Variants in MALRD1 observed in about 807,000 individuals in gnomAD.
The protein encoded by MALRD1 is MAM and LDL receptor class A domain containing 1, also known as MAM and LDL-receptor class A domain-containing protein 1.
Under a neutral mutation model 242.1 loss-of-function variants are expected in MALRD1, and 247 were observed. The ratio of observed to expected loss-of-function variants is 1.02; its 90% confidence interval spans 0.92 to 1.13. The LOEUF is 1.13. MALRD1 is among the 50% of genes most tolerant of loss of function. The probability of loss-of-function intolerance (pLI) is 0.00; values close to 1 mark genes in which losing one functional copy is unlikely to be tolerated. For synonymous variants in MALRD1, 995 were observed against 866.6 expected, an observed-to-expected ratio of 1.15 and a Z score of -2.60; for missense variants, 2,989 against 2,533.1, an observed-to-expected ratio of 1.18 and a Z score of -3.86.
chr10:19,192,001 A>G (rs2131586730), intron 14 of MALRD1, among the ~76,000 whole-genome samples: 1 of 152,230 alleles, frequency 6.6e-6, no homozygotes, highest in East Asian at 1.9e-4. Flanking sequence ...AACTCTGTCC[A>G]AAGGGATAAG....
rs1476570675 is a variant in MALRD1 at position 19,734,403 on chromosome 10, G to A, written c.*166G>A. 1.6e-5 allele frequency: 8 copies of A among 509,536 alleles called. No homozygotes were observed. The East Asian group carries it at 2.0e-4, about 12-fold the overall frequency. 31.6% of individuals were successfully genotyped at this position (509,536 alleles called of 1,614,324 possible). On this transcript the variant is annotated 3_prime_UTR_variant, in exon 40 of 40. Transcript: ENST00000454679. ...AATTTTCTTGCAGAATATAGAGAAT[G>A]TTTATATGGAATCAGAATCAGTACC... is the stretch of plus-strand genomic sequence containing the variant.
At chr10:19,152,244 G>T (rs1196933804) in intron 11 of MALRD1, among the ~76,000 whole-genome samples, 1 of 152,150 alleles carries the variant, frequency 6.6e-6, no homozygotes. Flanking sequence ...ATTGTTTAGA[G>T]CAGGCTGATA....
intron 19 of MALRD1, among the ~76,000 whole-genome samples, chr10:19,260,029 T>TTG (rs1336102809): frequency 2.0e-5 from 3 of 152,196 alleles, no homozygotes; most frequent in African/African-American, 7.2e-5. Context: ...ACTCAACAAA[T>TTG]AGTTGTTGGA....
intron 28 of MALRD1, among the ~76,000 whole-genome samples, chr10:19,447,388 GTCT>G (rs1835057078): frequency 6.6e-6 from 1 of 152,126 alleles, no homozygotes; most frequent in Non-Finnish European, 1.5e-5. Flanking sequence ...GTAGAATGAT[GTCT>G]TATAGTACAT....
chr10:19,677,087 C>T (rs1842168815), intron 36 of MALRD1, among the ~76,000 whole-genome samples: 1 of 152,038 alleles, frequency 6.6e-6, no homozygotes, highest in African/African-American at 2.4e-5. Flanking sequence ...TGGGTTGACT[C>T]CATATCTTTG....
chr10:19,107,810 C>T (rs1267705782), intron 5 of MALRD1, among the ~76,000 whole-genome samples: 1 of 150,786 alleles, frequency 6.6e-6, no homozygotes, highest in Non-Finnish European at 1.5e-5. Context: ...TAATTTTTTT[C>T]TCTGTGGTTA....
intron 14 of MALRD1, among the ~76,000 whole-genome samples, chr10:19,198,975 C>G (rs1396948028): frequency 1.3e-5 from 2 of 152,074 alleles, no homozygotes; most frequent in Non-Finnish European, 2.9e-5. Flanking sequence ...CATGGAAAAG[C>G]CTGAAACTCA....
In MALRD1 at chr10:19,531,355, C is replaced by G. The variant is rs190177599; in HGVS notation, c.5478+4C>G. ...CAGGAGTATGGGAATATTAAAGGTA[C>G]AAAAGGAAGCCAGAGATTTATGATC... On this transcript the variant is annotated splice_donor_region_variant and intron_variant, in intron 32 of 39. Coordinates refer to ENST00000454679, the MANE Select transcript of MALRD1 (RefSeq NM_001142308.3). The G allele has an allele frequency of 1.6e-5, 25 of 1,520,064 alleles. No individual in the cohort carries two copies. Among genetic ancestry groups the G allele is most frequent in the Admixed American group, 4.1e-5 (2 of 49,326 alleles). The allele number at this position is 1,520,064 out of a possible 1,614,324, so 94.2% of individuals were successfully genotyped here.
intron 29 of MALRD1, among the ~76,000 whole-genome samples, chr10:19,454,405 G>GATATATATATATATATATATATATATAT (rs141643131): frequency 3.6e-4 from 29 of 80,516 alleles, no homozygotes; most frequent in African/African-American, 5.5e-4. Context: ...TTATGCATAT[G>GATATATATATATATATATATATATATAT]ATATATATAT....
At chr10:19,075,137 T>C (rs963025771) in intron 2 of MALRD1, among the ~76,000 whole-genome samples, 1 of 152,050 alleles carries the variant, frequency 6.6e-6, no homozygotes, top group Non-Finnish European at 1.5e-5. Flanking sequence ...CAAACTACTT[T>C]AGGCTTTACA....
At chr10:19,311,214 T>C (rs940252592) in intron 21 of MALRD1, among the ~76,000 whole-genome samples, 5 of 151,466 alleles carry the variant, frequency 3.3e-5, no homozygotes, top group Admixed American at 1.3e-4. Flanking sequence ...TTATGAGTTA[T>C]ATTCTTAACT....
At chr10:19,438,270 C>T (rs1333189716) in intron 28 of MALRD1, among the ~76,000 whole-genome samples, 2 of 151,928 alleles carry the variant, frequency 1.3e-5, no homozygotes, top group Non-Finnish European at 2.9e-5. Flanking sequence ...TAAATATGTC[C>T]TCAAATATAA....
intron 29 of MALRD1, among the ~76,000 whole-genome samples, chr10:19,458,786 A>G (rs1217667577): frequency 6.6e-6 from 1 of 152,106 alleles, no homozygotes; most frequent in Non-Finnish European, 1.5e-5. Flanking sequence ...TTGCATGTTA[A>G]AAGGGGCCTT....
chr10:19,492,561 A>G (rs138546588), intron 30 of MALRD1, among the ~76,000 whole-genome samples: 390 of 152,326 alleles, frequency 2.6e-3, no homozygotes, highest in Middle Eastern at 6.8e-3. Context: ...CATCCTCCAG[A>G]GTACTCCATG....
intron 28 of MALRD1, among the ~76,000 whole-genome samples, chr10:19,424,488 T>A (rs1564328068): frequency 6.6e-6 from 1 of 152,190 alleles, no homozygotes; most frequent in South Asian, 2.1e-4. Context: ...TAACCTTAAC[T>A]AAGTTCAGTT....
At chr10:19,601,235 A>G (rs544200589) in intron 34 of MALRD1, among the ~76,000 whole-genome samples, 1 of 152,242 alleles carries the variant, frequency 6.6e-6, no homozygotes, top group Non-Finnish European at 1.5e-5. Context: ...AATGTACCAA[A>G]AAATAGATAT....
chr10:19,643,863 T>A (rs1840523909), intron 36 of MALRD1, among the ~76,000 whole-genome samples: 1 of 152,166 alleles, frequency 6.6e-6, no homozygotes, highest in South Asian at 2.1e-4. Context: ...GGCTTCTAAC[T>A]GAATTAGCCA....
intron 2 of MALRD1, among the ~76,000 whole-genome samples, chr10:19,078,731 A>C (rs1467859002): frequency 1.3e-5 from 2 of 151,568 alleles, no homozygotes; most frequent in East Asian, 3.9e-4. Flanking sequence ...TTTCTTCTTG[A>C]ATTGGCTTTG....
chr10:19,710,204 C>T (rs893402595), intron 38 of MALRD1: 4 of 152,108 alleles, frequency 2.6e-5, no homozygotes, highest in African/African-American at 9.7e-5. Flanking sequence ...ATATTTGTGA[C>T]AGATTCTGCC....
Sources: gnomAD v4.1 joint callset for allele counts (sites outside exome capture counted in the v4.1 genomes callset) on GRCh38, gnomAD v4.1.1 for gene constraint, MANE v1.5 for transcripts, NCBI Gene and HGNC (gene_info 2026-07-23, HGNC 2026-07-21) for gene names.